Variants in DECR1 observed in about 807,000 individuals in gnomAD.
The protein encoded by DECR1 is 2,4-dienoyl-CoA reductase [(3E)-enoyl-CoA-producing], mitochondrial.
A neutral mutation model predicts 38.8 loss-of-function variants in DECR1; 44 were observed. The observed-to-expected ratio is 1.13, with a 90% CI of 0.89 to 1.46. The LOEUF (loss-of-function observed/expected upper bound fraction) is 1.46, where lower values mean the gene tolerates loss of function less well. DECR1 is among the 40% of genes most tolerant of loss of function. DECR1 has a pLI of 0.00. For synonymous variants in DECR1, 148 were observed against 135.2 expected (o/e 1.09, Z -0.66); for missense variants, 428 against 405.5 (o/e 1.06, Z -0.48).
intron 5 of DECR1, among the ~76,000 whole-genome samples, chr8:90,032,252 C>G (rs1036293815): frequency 6.6e-6 from 1 of 152,028 alleles, no homozygotes; most frequent in African/African-American, 2.4e-5. Flanking sequence ...CAGCTTAGGG[C>G]CACCCTATCT....
In DECR1 at chr8:90,052,608, T is replaced by G. The variant is rs2130195026; in HGVS notation, c.*711T>G. Reference sequence around the variant, plus strand: ...TCCAGAGTTTGGAGAATGTGATGCCTAAGAGATAGCATGCCATCCCAGCTG... The same window carrying G: ...TCCAGAGTTTGGAGAATGTGATGCCGAAGAGATAGCATGCCATCCCAGCTG... On this transcript the variant is annotated 3_prime_UTR_variant, in exon 10 of 10. Transcript: ENST00000220764. 6.6e-6 allele frequency among the ~76,000 whole-genome samples: 1 copy of G among 152,266 alleles called. No individual in the cohort carries two copies. Among genetic ancestry groups the G allele is most frequent in the Non-Finnish European group, 1.5e-5 (1 of 68,018 alleles).
At chr8:90,028,371 AT>A (rs1813408409) in intron 5 of DECR1, among the ~76,000 whole-genome samples, 1 of 151,946 alleles carries the variant, frequency 6.6e-6, no homozygotes, top group Non-Finnish European at 1.5e-5. Context: ...AGATAAAACT[AT>A]TTTTCTTAAA....
intron 5 of DECR1, among the ~76,000 whole-genome samples, chr8:90,035,998 C>G (rs963726106): frequency 3.3e-5 from 5 of 152,094 alleles, no homozygotes; most frequent in African/African-American, 1.2e-4. Context: ...ACTCCCATGT[C>G]TCCCAGCCCT....
intron 8 of DECR1, among the ~76,000 whole-genome samples, chr8:90,050,342 C>CTTTG (rs1814043503): frequency 6.6e-6 from 1 of 152,168 alleles, no homozygotes; most frequent in Non-Finnish European, 1.5e-5. Flanking sequence ...AATCAAACAA[C>CTTTG]CCCATCACAA....
At chr8:90,004,687 T>C (rs1265376048) in intron 1 of DECR1, among the ~76,000 whole-genome samples, 12 of 152,248 alleles carry the variant, frequency 7.9e-5, no homozygotes, top group Admixed American at 7.9e-4. Context: ...AGTATTTCTT[T>C]ATTCAGTGTA....
chr8:90,004,597 T>A (rs773001614), intron 1 of DECR1, among the ~76,000 whole-genome samples: 50 of 152,238 alleles, frequency 3.3e-4, no homozygotes, highest in South Asian at 2.1e-4. Context: ...TTCATTGTTT[T>A]CTCACGATGA....
At chr8:90,050,309 A>G (rs920915414) in intron 8 of DECR1, among the ~76,000 whole-genome samples, 3 of 152,228 alleles carry the variant, frequency 2.0e-5, no homozygotes, top group Admixed American at 2.0e-4. Flanking sequence ...AGAATCTACA[A>G]AGAACTTAAA....
chr8:90,045,175 A>G, intron 8 of DECR1, 180 bp downstream of exon 8: 1 of 423,418 alleles, frequency 2.4e-6, no homozygotes, highest in Non-Finnish European at 4.0e-6. Flanking sequence ...TCAGTGATGT[A>G]TTAGTCTGTT....
chr8:90,034,057 T>C (rs1480854187), intron 5 of DECR1, among the ~76,000 whole-genome samples: 1 of 152,152 alleles, frequency 6.6e-6, no homozygotes, highest in Admixed American at 6.6e-5. Context: ...TAGAAGGAGT[T>C]ACCAGAATGA....
chr8:90,035,313 C>A (rs1813593653), intron 5 of DECR1, among the ~76,000 whole-genome samples: 1 of 151,732 alleles, frequency 6.6e-6, no homozygotes, highest in African/African-American at 2.4e-5. Context: ...CTCTGTGACT[C>A]TAACTATACG....
intron 6 of DECR1, among the ~76,000 whole-genome samples, chr8:90,038,393 AGATTCTAAAAT>A (rs914265824): frequency 2.6e-5 from 4 of 151,508 alleles, no homozygotes; most frequent in African/African-American, 9.7e-5. Flanking sequence ...ACTAATAAAT[AGATTCTAAAAT>A]GAAGGTAATA....
At chr8:90,008,994 C>G (rs1250072404) in intron 1 of DECR1, among the ~76,000 whole-genome samples, 1 of 152,216 alleles carries the variant, frequency 6.6e-6, no homozygotes, top group Non-Finnish European at 1.5e-5. Context: ...GCCCTCTACA[C>G]TCCATGGCAG....
chr8:90,023,804 G>C (rs1203682472), intron 5 of DECR1, among the ~76,000 whole-genome samples: 1 of 151,956 alleles, frequency 6.6e-6, no homozygotes, highest in Non-Finnish European at 1.5e-5. Flanking sequence ...TGCCATGTTG[G>C]TGTGCTGCAC....
chr8:90,007,563 G>T (rs534930212), intron 1 of DECR1, among the ~76,000 whole-genome samples: 1 of 152,102 alleles, frequency 6.6e-6, no homozygotes, highest in African/African-American at 2.4e-5. Flanking sequence ...GGTGGGGGTG[G>T]GGTTAATGGA....
intron 8 of DECR1, among the ~76,000 whole-genome samples, chr8:90,045,875 A>C (rs866880776): frequency 4.6e-5 from 7 of 152,168 alleles, no homozygotes; most frequent in African/African-American, 1.7e-4. Context: ...GCCATTCTAC[A>C]ATATTTGCTG....
rs576408621 is a variant in DECR1 at position 90,015,841 on chromosome 8, G to A, written c.70-1283G>A. On this transcript the variant is annotated intron_variant, in intron 1 of 9. Transcript: ENST00000220764. ...GAGCCTGTCAGTCAGTTTGAACCTT[G>A]GTTCTGCAACTTTGGCAATATATAT... Among the ~76,000 whole-genome samples the A allele has an allele frequency of 1.9e-4, 29 of 152,232 alleles. No homozygotes were observed. In the South Asian group the frequency reaches 4.4e-3, roughly 23 times the overall value.
At chr8:90,038,228 C>T (rs1563649132) in intron 6 of DECR1, among the ~76,000 whole-genome samples, 1 of 152,084 alleles carries the variant, frequency 6.6e-6, no homozygotes, top group Non-Finnish European at 1.5e-5. Flanking sequence ...CCTAAACTTA[C>T]CATACAGCTT....
rs1814124375 is a variant in DECR1, at chr8:90,052,450, C to G, written c.*553C>G. On this transcript the variant is annotated 3_prime_UTR_variant, in exon 10 of 10. Transcript: ENST00000220764. Reference sequence around the variant, plus strand: ...GGCATTTTATTTAGTACTGAATAAGCTATAGCCGTTGCCCTTTTTAAATTC... The same window carrying G: ...GGCATTTTATTTAGTACTGAATAAGGTATAGCCGTTGCCCTTTTTAAATTC... 6.6e-6 allele frequency among the ~76,000 whole-genome samples: 1 copy of G among 152,072 alleles called. No homozygotes were observed. The highest frequency in any genetic ancestry group is 2.4e-5 in the African/African-American group (1 of 41,404).
At chr8:90,044,750 C>T (rs1813842298) in intron 7 of DECR1, 99 bp from the exon 8 acceptor site, 2 of 1,270,236 alleles carry the variant, frequency 1.6e-6, no homozygotes, top group East Asian at 2.5e-5. Flanking sequence ...AGGTTTTAAG[C>T]TGCATGGCAG....
Sources: allele counts gnomAD v4.1 joint callset (sites outside exome capture counted in the v4.1 genomes callset), GRCh38; gene constraint gnomAD v4.1.1; transcripts MANE v1.5; gene names NCBI Gene and HGNC (gene_info 2026-07-23, HGNC 2026-07-21).